The following BBS5 variants were observed in gnomAD, a reference collection of about 807,000 sequenced individuals.
BBS5 encodes BBSome complex member BBS5.
BBS5 carries 39 observed loss-of-function variants against 50.2 expected under a neutral mutation model. The observed-to-expected ratio is 0.78, with a 90% confidence interval of 0.60 to 1.01. The LOEUF (loss-of-function observed/expected upper bound fraction) is 1.01, where lower values mean the gene tolerates loss of function less well. Ranked by LOEUF, BBS5 falls within the 50% of genes least tolerant of loss-of-function variation. The pLI is 0.00. For missense variants in BBS5, 356 were observed against 401.5 expected (o/e 0.89, Z 0.97); for synonymous variants, 134 against 133.1 (o/e 1.01, Z -0.05).
In BBS5 at chr2:169,505,126, C is replaced by T; in HGVS notation, c.*544C>T. 4.9e-6 allele frequency: 4 copies of T among 823,566 alleles called. No homozygotes were observed. The highest frequency in any genetic ancestry group is 2.1e-5 in the Admixed American group (1 of 48,412). The allele number at this position is 823,566 out of a possible 1,614,324, so 51.0% of individuals were successfully genotyped here. A position where few individuals can be genotyped will look rare whatever the true frequency, so the allele number is the denominator to read the frequency against. ...CGCGCCGCCACACCTGACTGGTTTT[C>T]GTATTTTTTTGGTGGAGACGGGGTT... On this transcript the variant is annotated 3_prime_UTR_variant, in exon 12 of 12. Transcript: ENST00000295240.
chr2:169,503,167 G>T lies in BBS5; in HGVS notation c.889G>T (p.Asp297Tyr), dbSNP rs1247237652. Residue 297 changes from aspartate (D) to tyrosine (Y), a missense_variant, in exon 10 of 12, where the codon GAT (aspartate) becomes TAT (tyrosine). By Grantham distance (160) the Asp-to-Tyr change is radical. Transcript: ENST00000295240. ...DVEIDSDGHT[D>Y]AFVAYFADGN... ...AGAAATAGACTCTGATGGTCACACGGATGCTTTTGTGGTGAGCATCACAAA... is the reference window on the plus strand; with the variant it reads ...AGAAATAGACTCTGATGGTCACACGTATGCTTTTGTGGTGAGCATCACAAA... 9 of 1,612,648 alleles carry T rather than the reference G, an allele frequency of 5.6e-6. No homozygotes were observed. Among genetic ancestry groups the T allele is most frequent in the Non-Finnish European group, 7.6e-6 (9 of 1,178,784 alleles).
At chr2:169,480,749 T>C (rs1036105945) in intron 1 of BBS5, among the ~76,000 whole-genome samples, 2 of 137,614 alleles carry the variant, frequency 1.5e-5, no homozygotes, top group African/African-American at 5.3e-5. Context: ...TGACGCGATC[T>C]CGGCTCACTG....
intron 5 of BBS5, among the ~76,000 whole-genome samples, chr2:169,488,983 C>CT (rs1475424648): frequency 6.6e-6 from 1 of 151,926 alleles, no homozygotes; most frequent in African/African-American, 2.4e-5. Flanking sequence ...GGTTTGTGGC[C>CT]TTTTTTTATT....
chr2:169,489,653 CT>C (rs1683555541), intron 5 of BBS5, among the ~76,000 whole-genome samples: 1 of 150,612 alleles, frequency 6.6e-6, no homozygotes, highest in Non-Finnish European at 1.5e-5. Context: ...AAATTCTTCT[CT>C]TTTCACTACC....
At position 169,505,209 on chromosome 2, in the gene BBS5, G is replaced by A. The variant is rs941764327; in HGVS notation, c.*627G>A. The A allele has an allele frequency of 2.3e-5, 12 of 515,944 alleles. No individual in the cohort carries two copies. The highest frequency in any genetic ancestry group is 1.4e-4 in the African/African-American group (7 of 51,674). 32.0% of individuals were successfully genotyped at this position (515,944 alleles called of 1,614,324 possible). The stretch of plus-strand genomic sequence containing the variant: ...TAACCGCGAGTGATCCGCCAGCCTC[G>A]GCCTCCCGAGGTGCCGGGATTGCAG... On this transcript the variant is annotated 3_prime_UTR_variant, in exon 12 of 12. Transcript: ENST00000295240.
intron 5 of BBS5, among the ~76,000 whole-genome samples, chr2:169,490,051 A>G (rs902221451): frequency 8.9e-5 from 13 of 145,564 alleles, no homozygotes; most frequent in African/African-American, 3.3e-4. Context: ...AATTTTTTGT[A>G]TTTTTAGTGG....
At chr2:169,498,753 G>C (rs945008511) in intron 8 of BBS5, among the ~76,000 whole-genome samples, 4 of 149,804 alleles carry the variant, frequency 2.7e-5, no homozygotes, top group African/African-American at 9.9e-5. Flanking sequence ...CTTGCAGTGA[G>C]CCGAGATCGC....
At chr2:169,479,657 C>T in intron 1 of BBS5, 45 bp downstream of exon 1, 3 of 1,605,536 alleles carry the variant, frequency 1.9e-6, no homozygotes, top group Non-Finnish European at 2.6e-6. Flanking sequence ...CTGTAGAGGG[C>T]GCCGCCGTGC....
At chr2:169,484,258 C>T (rs940416945) in intron 2 of BBS5, among the ~76,000 whole-genome samples, 3 of 152,114 alleles carry the variant, frequency 2.0e-5, no homozygotes, top group African/African-American at 7.2e-5. Flanking sequence ...TGTTGTGCGC[C>T]TGTGGCCCCA....
intron 1 of BBS5, 132 bp downstream of exon 1, chr2:169,479,744 G>C: frequency 9.7e-7 from 1 of 1,034,606 alleles, no homozygotes; most frequent in South Asian, 1.3e-5. Flanking sequence ...TGCGCCGGTC[G>C]TCCGCGCCTC....
At chr2:169,498,616 G>A (rs1574342191) in intron 8 of BBS5, among the ~76,000 whole-genome samples, 1 of 151,850 alleles carries the variant, frequency 6.6e-6, no homozygotes, top group Non-Finnish European at 1.5e-5. Context: ...AGGAGATCGA[G>A]ACCACGGTGA....
At chr2:169,487,664 T>A in intron 3 of BBS5, 142 bp from the exon 4 acceptor site, 1 of 565,502 alleles carries the variant, frequency 1.8e-6, no homozygotes, top group South Asian at 3.1e-5. Flanking sequence ...TAGTTATTTC[T>A]TTAAAACTTT....
chr2:169,486,069 A>T (rs954927408), intron 2 of BBS5, among the ~76,000 whole-genome samples: 1 of 152,138 alleles, frequency 6.6e-6, no homozygotes, highest in Admixed American at 6.5e-5. Context: ...TGGATTACTT[A>T]TTATTTGTCA....
At position 169,497,695 on chromosome 2, in the gene BBS5, A is replaced by C; in HGVS notation, c.681+6A>C. 6.4e-7 allele frequency: 1 copy of C among 1,567,612 alleles called. No homozygotes were observed. Among genetic ancestry groups the C allele is most frequent in the Non-Finnish European group, 8.8e-7 (1 of 1,139,498 alleles). ...TCATAGAAAGCTCTCAGCAGGTAAG[A>C]TCTTGTATATTTTTATTAATCTTTG... On this transcript the variant is annotated splice_donor_region_variant and intron_variant, in intron 8 of 11. Coordinates refer to ENST00000295240, the MANE Select transcript of BBS5 (RefSeq NM_152384.3).
At position 169,505,254 on chromosome 2, in the gene BBS5, G is replaced by A; in HGVS notation, c.*672G>A. The A allele has an allele frequency of 2.3e-6, 1 of 434,130 alleles. No individual in the cohort carries two copies. 26.9% of individuals were successfully genotyped at this position (434,130 alleles called of 1,614,324 possible). On this transcript the variant is annotated 3_prime_UTR_variant, in exon 12 of 12. Coordinates refer to ENST00000295240, the MANE Select transcript of BBS5 (RefSeq NM_152384.3). ...TTGCAGACGGAGTCTGGTTCACTTA[G>A]TGCTCAATGGTGCCCAGGCTGGAGT...
rs1683902643 is a variant in BBS5, at chr2:169,505,752, C to G, written c.*1170C>G. On this transcript the variant is annotated 3_prime_UTR_variant, in exon 12 of 12. Transcript: ENST00000295240. ...GCCCCGTCTGAGAAGTGAGGAGCCC[C>G]TCTGCCCAGCAGCCACCCTGTCTGG... The G allele has an allele frequency of 5.2e-6, 1 of 190,674 alleles. No individual in the cohort carries two copies. The highest frequency in any genetic ancestry group is 1.1e-5 in the Non-Finnish European group (1 of 92,002). 11.8% of individuals were successfully genotyped at this position (190,674 alleles called of 1,614,324 possible). A position where few individuals can be genotyped will look rare whatever the true frequency, so the allele number is the denominator to read the frequency against.
chr2:169,503,044 T>C, intron 9 of BBS5, 51 bp from the exon 10 acceptor site: 1 of 1,321,040 alleles, frequency 7.6e-7, no homozygotes, highest in Non-Finnish European at 1.1e-6. Context: ...GCAGTTCTCA[T>C]GGTACATTTA....
In BBS5 at chr2:169,487,812, G is replaced by T; in HGVS notation, c.215G>T (p.Gly72Val). 1 of 1,607,238 alleles carries T rather than the reference G, an allele frequency of 6.2e-7. No individual in the cohort carries two copies. The highest frequency in any genetic ancestry group is 8.5e-7 in the Non-Finnish European group (1 of 1,175,098). Residue 72 changes from glycine (G) to valine (V), a missense_variant, in exon 4 of 12, where the codon GGT becomes GTT. Physicochemically the swap from Gly to Val is moderately radical, Grantham distance 109. Coordinates refer to ENST00000295240, the MANE Select transcript of BBS5 (RefSeq NM_152384.3). ...LALSRVNVSVGYNCILNITTR... is the reference protein window; with the variant it reads ...LALSRVNVSVVYNCILNITTR... ...CTTTGCTTTTGGATTTTAGCTGTCG[G>T]TTACAATTGCATATTGAATATTACA... is the stretch of plus-strand genomic sequence containing the variant.
At chr2:169,502,464 G>A (rs1177370064) in intron 9 of BBS5, among the ~76,000 whole-genome samples, 1 of 152,080 alleles carries the variant, frequency 6.6e-6, no homozygotes, top group African/African-American at 2.4e-5. Flanking sequence ...CATTTTGACT[G>A]ATAAAAAATG....
Sources: gnomAD v4.1 joint callset for allele counts (sites outside exome capture counted in the v4.1 genomes callset) on GRCh38, gnomAD v4.1.1 for gene constraint, MANE v1.5 for transcripts, NCBI Gene and HGNC (gene_info 2026-07-23, HGNC 2026-07-21) for gene names.